The following PDE4D variants were observed in gnomAD, a reference collection of about 807,000 sequenced individuals.
PDE4D encodes phosphodiesterase 4D, also known as 3',5'-cyclic-AMP phosphodiesterase 4D.
In PDE4D, 24 loss-of-function variants were observed where a neutral mutation model predicts 87.4. The ratio of observed to expected loss-of-function variants is 0.27; its 90% CI spans 0.20 to 0.39. PDE4D has a LOEUF of 0.39. PDE4D is among the 10% of genes least tolerant of loss of function. PDE4D has a pLI of 1.00. For synonymous variants in PDE4D, 384 were observed against 383.2 expected, an observed-to-expected ratio of 1.00 and a Z score of -0.02; for missense variants, 714 against 1,041.0, an observed-to-expected ratio of 0.69 and a Z score of 4.32.
At chr5:59,969,015 G>A (rs1368151892) in intron 3 of PDE4D, among the ~76,000 whole-genome samples, 4 of 146,416 alleles carry the variant, frequency 2.7e-5, no homozygotes, top group Non-Finnish European at 6.0e-5. Flanking sequence ...AAAAAGAGAA[G>A]CATCTTGATA....
chr5:59,655,651 G>A (rs1744231614), intron 1 of PDE4D, among the ~76,000 whole-genome samples: 1 of 152,032 alleles, frequency 6.6e-6, no homozygotes, highest in Non-Finnish European at 1.5e-5. Flanking sequence ...CAGAAGCCAT[G>A]GTTTTTAGCT....
At chr5:60,083,308 A>C (rs931864305) in intron 2 of PDE4D, among the ~76,000 whole-genome samples, 36 of 152,244 alleles carry the variant, frequency 2.4e-4, no homozygotes, top group South Asian at 6.2e-4. Flanking sequence ...ATTAGACAGC[A>C]CTGTATATGA....
intron 2 of PDE4D, among the ~76,000 whole-genome samples, chr5:60,028,621 T>C (rs1367026307): frequency 6.6e-6 from 1 of 152,132 alleles, no homozygotes; most frequent in African/African-American, 2.4e-5. Flanking sequence ...ATGAGTAAAA[T>C]CCATGAAATG....
chr5:60,290,421 T>C (rs916879880), intron 1 of PDE4D, among the ~76,000 whole-genome samples: 10 of 152,134 alleles, frequency 6.6e-5, no homozygotes, highest in African/African-American at 2.2e-4. Flanking sequence ...GAAATGACTA[T>C]AGACGAGCAG....
At chr5:59,050,786 C>T (rs1761433300) in intron 5 of PDE4D, among the ~76,000 whole-genome samples, 1 of 152,100 alleles carries the variant, frequency 6.6e-6, no homozygotes, top group African/African-American at 2.4e-5. Context: ...GACCTGAGCA[C>T]ATTGTATACA....
intron 3 of PDE4D, among the ~76,000 whole-genome samples, chr5:59,946,245 T>C (rs1283809526): frequency 1.3e-5 from 2 of 152,212 alleles, no homozygotes; most frequent in African/African-American, 4.8e-5. Context: ...CCTTACCATT[T>C]GCCTCAAGTC....
chr5:59,899,147 T>C (rs1324148296), intron 3 of PDE4D, among the ~76,000 whole-genome samples: 1 of 152,212 alleles, frequency 6.6e-6, no homozygotes, highest in Non-Finnish European at 1.5e-5. Context: ...TGCAACAGTA[T>C]GCTTTTTTCA....
At chr5:59,640,808 A>T (rs552513444) in intron 1 of PDE4D, among the ~76,000 whole-genome samples, 1 of 152,326 alleles carries the variant, frequency 6.6e-6, no homozygotes, top group East Asian at 1.9e-4. Context: ...CAACAACAAC[A>T]ACAAACAAAA....
chr5:59,189,145 A>G (rs1335195862), intron 3 of PDE4D, among the ~76,000 whole-genome samples: 1 of 152,002 alleles, frequency 6.6e-6, no homozygotes, highest in Non-Finnish European at 1.5e-5. Flanking sequence ...TATAGTATTA[A>G]TAACTACTGC....
chr5:60,336,243 G>T (rs999619992), intron 1 of PDE4D, among the ~76,000 whole-genome samples: 7 of 152,164 alleles, frequency 4.6e-5, no homozygotes, highest in African/African-American at 1.7e-4. Context: ...CCACTTGGAA[G>T]TTTCTTTCCT....
chr5:60,163,125 C>A (rs966684973), intron 2 of PDE4D, among the ~76,000 whole-genome samples: 1 of 152,168 alleles, frequency 6.6e-6, no homozygotes, highest in African/African-American at 2.4e-5. Flanking sequence ...GCTTATGCAT[C>A]TCTTTTTAAT....
chr5:59,076,649 T>C (rs989797642), intron 5 of PDE4D, among the ~76,000 whole-genome samples: 4 of 152,194 alleles, frequency 2.6e-5, no homozygotes, highest in African/African-American at 9.6e-5. Context: ...ATTGAGCAGA[T>C]GGGATTACTT....
intron 2 of PDE4D, among the ~76,000 whole-genome samples, chr5:60,011,476 G>T (rs188254411): frequency 5.9e-4 from 90 of 152,136 alleles, no homozygotes; most frequent in Non-Finnish European, 6.9e-4. Context: ...TGGGAAAAGC[G>T]ACACACATTT....
chr5:59,197,917 A>G (rs947902842), intron 2 of PDE4D, among the ~76,000 whole-genome samples: 20 of 152,166 alleles, frequency 1.3e-4, no homozygotes, highest in Non-Finnish European at 2.6e-4. Flanking sequence ...TGGGGCTGGG[A>G]GGGATTACAA....
At chr5:60,061,455 T>C in intron 2 of PDE4D, among the ~76,000 whole-genome samples, 1 of 152,024 alleles carries the variant, frequency 6.6e-6, no homozygotes, top group East Asian at 1.9e-4. Flanking sequence ...TGGAAAAACA[T>C]CCCATGCTCA....
At chr5:59,449,502 C>G (rs777119745) in intron 1 of PDE4D, among the ~76,000 whole-genome samples, 2 of 152,168 alleles carry the variant, frequency 1.3e-5, no homozygotes, top group Admixed American at 1.3e-4. Context: ...AACCTTGGAG[C>G]CTTTATATGA....
At chr5:60,462,063 G>A (rs893267575) in intron 1 of PDE4D, among the ~76,000 whole-genome samples, 3 of 152,136 alleles carry the variant, frequency 2.0e-5, no homozygotes, top group Non-Finnish European at 2.9e-5. Context: ...TCAGGGGGCT[G>A]ATGCTTCAGA....
chr5:59,388,382 T>G (rs1055328857), intron 1 of PDE4D, among the ~76,000 whole-genome samples: 2 of 152,074 alleles, frequency 1.3e-5, no homozygotes, highest in African/African-American at 4.8e-5. Flanking sequence ...ATGTTTACAC[T>G]GTTGGTGGGA....
chr5:60,201,160 G>A (rs1214590336), intron 1 of PDE4D, among the ~76,000 whole-genome samples: 1 of 143,144 alleles, frequency 7.0e-6, no homozygotes, highest in East Asian at 2.0e-4. Context: ...TATCACTATA[G>A]GAAGACCACA....
Sources: gnomAD v4.1 joint callset for allele counts (sites outside exome capture counted in the v4.1 genomes callset) on GRCh38, gnomAD v4.1.1 for gene constraint, MANE v1.5 for transcripts, NCBI Gene and HGNC (gene_info 2026-07-23, HGNC 2026-07-21) for gene names.